The following PPFIA4 variants were observed in gnomAD, a reference collection of about 807,000 sequenced individuals.
PPFIA4 encodes PPFI scaffold protein A4, also known as liprin-alpha-4.
In PPFIA4, 98 loss-of-function variants were observed where a neutral mutation model predicts 145.7. That is an observed-to-expected ratio of 0.67 (90% confidence interval 0.57 to 0.80). The LOEUF (loss-of-function observed/expected upper bound fraction) is 0.80, where lower values mean the gene tolerates loss of function less well. Ranked by LOEUF, PPFIA4 falls within the 30% of genes least tolerant of loss-of-function variation. PPFIA4 has a pLI of 0.00. For synonymous variants in PPFIA4, 628 were observed against 649.6 expected (o/e 0.97, Z 0.51); for missense variants, 1,457 against 1,632.7 (o/e 0.89, Z 1.85).
intron 20 of PPFIA4, 22 bp downstream of exon 20, chr1:203,059,293 C>A (rs1410295276): frequency 4.1e-6 from 6 of 1,474,546 alleles, no homozygotes; most frequent in Non-Finnish European, 4.6e-6. Context: ...AGGCCAGGGT[C>A]TGCCAGGGTG....
intron 2 of PPFIA4, among the ~76,000 whole-genome samples, chr1:203,041,252 A>G (rs1419292537): frequency 6.6e-6 from 1 of 152,178 alleles, no homozygotes; most frequent in African/African-American, 2.4e-5. Context: ...GTCTTAGGTG[A>G]TATGGAAATG....
intron 24 of PPFIA4, chr1:203,063,350 A>G (rs1021462476): frequency 1.8e-5 from 3 of 162,360 alleles, no homozygotes; most frequent in African/African-American, 7.2e-5. Flanking sequence ...TCTTCTGCCA[A>G]CATTTAACTT....
Position 203,045,920 on chromosome 1 carries a change from C to A in PPFIA4, c.938C>A (p.Thr313Lys). 7 of 1,612,896 alleles carry A rather than the reference C, an allele frequency of 4.3e-6. No homozygotes were observed. The highest frequency in any genetic ancestry group is 5.9e-6 in the Non-Finnish European group (7 of 1,179,878). The change falls in exon 8 of 30, where the codon ACA becomes AAA. Residue 313 changes from threonine (T) to lysine (K), a missense_variant. This residue lies in a region of PPFIA4 where 463 missense variants were observed against 459.8 expected (regional missense o/e 1.01). Transcript: ENST00000295706. Reference sequence around the variant, plus strand: ...TACCTGGCTGCTCAGCGTGAGGCAACATCCATCCATGACCTCAATGACAAG... The same window carrying A: ...TACCTGGCTGCTCAGCGTGAGGCAAAATCCATCCATGACCTCAATGACAAG... ...KRYLAAQREA[T>K]SIHDLNDKLE...
At chr1:203,056,285 A>C in intron 17 of PPFIA4, 90 bp from the exon 18 acceptor site, 1 of 1,599,008 alleles carries the variant, frequency 6.3e-7, no homozygotes, top group Non-Finnish European at 8.5e-7. Flanking sequence ...TCCCCACTGC[A>C]TTTCTCCATG....
chr1:203,055,942 A>G lies in PPFIA4; in HGVS notation c.2071-178A>G, dbSNP rs1320652103. Among the ~76,000 whole-genome samples, 1 of 150,730 alleles carries G rather than the reference A, an allele frequency of 6.6e-6. No individual in the cohort carries two copies. The highest frequency in any genetic ancestry group is 1.5e-5 in the Non-Finnish European group (1 of 67,840). ...CCTCTTCCTTTCTTCCAGAGAAATA[A>G]GCCCTGGCTTGTTTTTCTAGGCCAG... On this transcript the variant is annotated intron_variant, in intron 16 of 29. Coordinates refer to ENST00000295706, the MANE Select transcript of PPFIA4 (RefSeq NM_001304331.2). This position sits in a 1 kb window ranked among gnomAD's most constrained non-coding sequence, Gnocchi z 4.8.
At chr1:203,032,606 CATT>C (rs761514275) in intron 1 of PPFIA4, among the ~76,000 whole-genome samples, 3 of 98,686 alleles carry the variant, frequency 3.0e-5, no homozygotes, top group African/African-American at 7.4e-5. Flanking sequence ...GCCCAGCTAA[CATT>C]TTTTTTTTTT....
chr1:203,045,282 T>C (rs1012782272), intron 6 of PPFIA4, 86 bp from the exon 7 acceptor site: 2 of 1,214,870 alleles, frequency 1.6e-6, no homozygotes, highest in Non-Finnish European at 2.3e-6. Context: ...CTGGGTGTGC[T>C]GTTCCTCCTT....
At chr1:203,064,816 G>A (rs780928496) in intron 25 of PPFIA4, among the ~76,000 whole-genome samples, 1 of 152,196 alleles carries the variant, frequency 6.6e-6, no homozygotes, top group African/African-American at 2.4e-5. Context: ...CCCCCAGCCT[G>A]CTTCTCTCAC....
intron 14 of PPFIA4, 104 bp downstream of exon 14, chr1:203,051,981 T>C: frequency 8.1e-7 from 1 of 1,228,810 alleles, no homozygotes; most frequent in Non-Finnish European, 1.1e-6. Flanking sequence ...TCCTTCCCCT[T>C]CCCTCCCGTG....
At chr1:203,033,192 G>A (rs115229377) in intron 1 of PPFIA4, among the ~76,000 whole-genome samples, 1,998 of 152,306 alleles carry the variant, frequency 0.013, 16 homozygotes, top group Non-Finnish European at 0.02. Context: ...AGCGTATTGT[G>A]TGTTATAATG....
chr1:203,045,272 C>G lies in PPFIA4; in HGVS notation c.667-96C>G, dbSNP rs1054036746. The G allele has an allele frequency of 5.4e-6, 6 of 1,119,320 alleles. No homozygotes were observed. In the South Asian group the frequency reaches 9.8e-5, roughly 18 times the overall value. The allele number at this position is 1,119,320 out of a possible 1,614,324, so 69.3% of individuals were successfully genotyped here. A position where few individuals can be genotyped will look rare whatever the true frequency, so the allele number is the denominator to read the frequency against. ...GTTGGGGGCAGAGCCTTGACCTGCTCTGGGTGTGCTGTTCCTCCTTCCACC... is the reference window on the plus strand; with the variant it reads ...GTTGGGGGCAGAGCCTTGACCTGCTGTGGGTGTGCTGTTCCTCCTTCCACC... On this transcript the variant is annotated intron_variant, in intron 6 of 29. Transcript: ENST00000295706.
chr1:203,050,825 C>T (rs140500344), intron 13 of PPFIA4, among the ~76,000 whole-genome samples: 1 of 151,926 alleles, frequency 6.6e-6, no homozygotes, highest in Non-Finnish European at 1.5e-5. Context: ...AGAGACAACC[C>T]CTCAATTAGT....
rs371076694 is a variant in PPFIA4 at position 203,055,398 on chromosome 1, C to A, written c.1830-34C>A. On this transcript the variant is annotated intron_variant, in intron 15 of 29. Coordinates refer to ENST00000295706, the MANE Select transcript of PPFIA4 (RefSeq NM_001304331.2). The surrounding 1 kb of genome is among the most constrained non-coding windows in gnomAD (Gnocchi z 4.8). ...TGCCTCCTGCTGGTCCTGGCTGGGG[C>A]TAGTGGTGAGGTCTGGTTTTGCCTC... 1.0e-4 allele frequency: 162 copies of A among 1,611,082 alleles called. No homozygotes were observed. Among genetic ancestry groups the A allele is most frequent in the Non-Finnish European group, 1.1e-4 (134 of 1,177,582 alleles).
chr1:203,058,610 A>G (rs1661140448), intron 19 of PPFIA4, among the ~76,000 whole-genome samples: 1 of 152,186 alleles, frequency 6.6e-6, no homozygotes, highest in South Asian at 2.1e-4. Context: ...CCGGGACTTA[A>G]AAGAATTCTA....
chr1:203,062,249 G>T (rs1282762552), intron 24 of PPFIA4, among the ~76,000 whole-genome samples: 1 of 151,490 alleles, frequency 6.6e-6, no homozygotes, highest in Non-Finnish European at 1.5e-5. Flanking sequence ...AGGCCGAGGC[G>T]GGCGGATCAC....
chr1:203,075,867 C>A lies in PPFIA4; in HGVS notation c.3574+110C>A. ...AGGGGCGAGGCCGAGGCTGGTGCCC[C>A]GCGCTCCTGCGCTGCAGCTGCACTA... On this transcript the variant is annotated intron_variant, in intron 29 of 29. Coordinates refer to ENST00000295706, the MANE Select transcript of PPFIA4 (RefSeq NM_001304331.2). The surrounding 1 kb of genome is among the most constrained non-coding windows in gnomAD (Gnocchi z 4.1). 1 of 1,089,046 alleles carries A rather than the reference C, an allele frequency of 9.2e-7. No homozygotes were observed. Among genetic ancestry groups the A allele is most frequent in the East Asian group, 3.2e-5 (1 of 31,200 alleles). 67.5% of individuals were successfully genotyped at this position (1,089,046 alleles called of 1,614,324 possible).
Position 203,056,770 on chromosome 1 carries a change from C to T in PPFIA4, c.2241-14C>T. On this transcript the variant is annotated splice_polypyrimidine_tract_variant and intron_variant, in intron 18 of 29. Transcript: ENST00000295706. ...TTCTTCTTATTCCGCCCCCTTCTGG[C>T]TGTCACCCTGTAGTGCCTTGGAGGA... 4 of 1,581,252 alleles carry T rather than the reference C, an allele frequency of 2.5e-6. No homozygotes were observed. The highest frequency in any genetic ancestry group is 3.5e-6 in the Non-Finnish European group (4 of 1,157,084).
At chr1:203,067,673 C>T in intron 25 of PPFIA4, 22 bp from the exon 26 acceptor site, 1 of 1,609,520 alleles carries the variant, frequency 6.2e-7, no homozygotes, top group Non-Finnish European at 8.5e-7. Context: ...GAGGCTCTGG[C>T]TTGGGGGCTG....
At chr1:203,053,575 A>G (rs974044887) in intron 14 of PPFIA4, 178 bp from the exon 15 acceptor site, 3 of 609,142 alleles carry the variant, frequency 4.9e-6, no homozygotes, top group African/African-American at 1.9e-5. Flanking sequence ...AAAACCACCC[A>G]GGGGTCTTGT....
Sources: allele counts gnomAD v4.1 joint callset (sites outside exome capture counted in the v4.1 genomes callset), GRCh38; gene constraint gnomAD v4.1.1; regional missense constraint gnomAD v4.1.1; non-coding constraint Gnocchi (gnomAD v3.1); transcripts MANE v1.5; gene names NCBI Gene and HGNC (gene_info 2026-07-23, HGNC 2026-07-21).